Variants in SH3RF1 observed in about 807,000 individuals in gnomAD.
The protein encoded by SH3RF1 is SH3 domain containing ring finger 1.
A neutral mutation model predicts 74.0 loss-of-function variants in SH3RF1; 32 were observed. That is an observed-to-expected ratio of 0.43 (90% CI 0.33 to 0.58). The LOEUF (loss-of-function observed/expected upper bound fraction) is 0.58, where lower values mean the gene tolerates loss of function less well. Ranked by LOEUF, SH3RF1 falls within the 20% of genes least tolerant of loss-of-function variation. SH3RF1 has a pLI of 0.05. For missense variants in SH3RF1, 954 were observed against 1,130.9 expected (o/e 0.84, Z 2.24); for synonymous variants, 396 against 439.6 (o/e 0.90, Z 1.24).
In SH3RF1 at chr4:169,095,122, C is replaced by A. The variant is rs1561021893; in HGVS notation, c.*1397G>T. 6.5e-6 allele frequency: 1 copy of A among 152,688 alleles called. No homozygotes were observed. The highest frequency in any genetic ancestry group is 1.9e-4 in the East Asian group (1 of 5,178). 9.5% of individuals were successfully genotyped at this position (152,688 alleles called of 1,614,324 possible). A position where few individuals can be genotyped will look rare whatever the true frequency, so the allele number is the denominator to read the frequency against. ...AGACAGGCTCTTCTGGATCCTGCCA[C>A]AATTGTAAGGTGTGGGCAAATTCAC... On this transcript the variant is annotated 3_prime_UTR_variant, in exon 12 of 12. Transcript: ENST00000284637.
At chr4:169,208,926 G>GA (rs1183251555) in intron 2 of SH3RF1, among the ~76,000 whole-genome samples, 1 of 150,548 alleles carries the variant, frequency 6.6e-6, no homozygotes, top group Non-Finnish European at 1.5e-5. Flanking sequence ...GCAAGGGACT[G>GA]AAAAAAAGAA....
intron 2 of SH3RF1, among the ~76,000 whole-genome samples, chr4:169,202,679 A>T (rs1355061889): frequency 6.6e-6 from 1 of 152,230 alleles, no homozygotes; most frequent in Non-Finnish European, 1.5e-5. Context: ...TTTCTACAGA[A>T]ATAACACAAT....
At chr4:169,236,167 T>C (rs534443971) in intron 2 of SH3RF1, among the ~76,000 whole-genome samples, 2 of 152,342 alleles carry the variant, frequency 1.3e-5, no homozygotes, top group Non-Finnish European at 2.9e-5. Context: ...TCTCTCCCTC[T>C]AGACACATGG....
At chr4:169,206,387 GC>G (rs777454282) in intron 2 of SH3RF1, among the ~76,000 whole-genome samples, 1 of 151,174 alleles carries the variant, frequency 6.6e-6, no homozygotes, top group South Asian at 2.1e-4. Context: ...CATTCAAGGG[GC>G]TGGGGGAAGG....
chr4:169,120,350 T>C (rs1010788484), intron 8 of SH3RF1, among the ~76,000 whole-genome samples: 11 of 152,256 alleles, frequency 7.2e-5, no homozygotes, highest in African/African-American at 2.7e-4. Flanking sequence ...TTCTTCACTA[T>C]GTGATCTCAG....
chr4:169,108,415 AG>A (rs1166350140), intron 10 of SH3RF1, among the ~76,000 whole-genome samples: 1 of 152,210 alleles, frequency 6.6e-6, no homozygotes, highest in Non-Finnish European at 1.5e-5. Context: ...GGCAGAAAAA[AG>A]GAGACAAAAG....
At chr4:169,135,132 T>G (rs1372232942) in intron 5 of SH3RF1, among the ~76,000 whole-genome samples, 1 of 152,072 alleles carries the variant, frequency 6.6e-6, no homozygotes, top group East Asian at 1.9e-4. Flanking sequence ...GCCAAGAGCT[T>G]GTTACCAGCC....
chr4:169,221,863 A>G (rs560007422), intron 2 of SH3RF1, among the ~76,000 whole-genome samples: 1 of 152,350 alleles, frequency 6.6e-6, no homozygotes, highest in East Asian at 1.9e-4. Flanking sequence ...TACACAGTAC[A>G]AACAGTGAAC....
At chr4:169,098,137 A>G (rs1301746869) in intron 11 of SH3RF1, among the ~76,000 whole-genome samples, 1 of 152,240 alleles carries the variant, frequency 6.6e-6, no homozygotes, top group African/African-American at 2.4e-5. Flanking sequence ...GAAATAATAC[A>G]TGCTTATTAT....
intron 2 of SH3RF1, chr4:169,220,301 C>G (rs1467702412): frequency 6.6e-6 from 1 of 152,198 alleles, no homozygotes; most frequent in Non-Finnish European, 1.5e-5. Context: ...CCACAGCTAG[C>G]TGACACTTCA....
intron 10 of SH3RF1, among the ~76,000 whole-genome samples, chr4:169,115,312 G>A (rs1733312258): frequency 6.6e-6 from 1 of 152,218 alleles, no homozygotes; most frequent in African/African-American, 2.4e-5. Context: ...CGCACAGCAG[G>A]AGGTGAGCTG....
chr4:169,148,598 G>A (rs1330236638), intron 4 of SH3RF1, among the ~76,000 whole-genome samples: 1 of 152,058 alleles, frequency 6.6e-6, no homozygotes, highest in Non-Finnish European at 1.5e-5. Flanking sequence ...CATAAGATAT[G>A]GCTCTAAGAA....
intron 2 of SH3RF1, among the ~76,000 whole-genome samples, chr4:169,264,053 G>A (rs1731317059): frequency 6.6e-6 from 1 of 152,198 alleles, no homozygotes; most frequent in African/African-American, 2.4e-5. Flanking sequence ...GGACCGAGAG[G>A]CCACTCAAGG....
At chr4:169,269,853 C>G (rs75406914) in intron 1 of SH3RF1, 5 of 152,092 alleles carry the variant, frequency 3.3e-5, no homozygotes, top group Non-Finnish European at 7.4e-5. Context: ...TTTAATTTTG[C>G]CCAACCAAAA....
chr4:169,243,362 A>T (rs1463030782), intron 2 of SH3RF1, among the ~76,000 whole-genome samples: 2 of 152,092 alleles, frequency 1.3e-5, no homozygotes, highest in Non-Finnish European at 2.9e-5. Flanking sequence ...AAAATACAAA[A>T]ATTAGCTAGG....
In SH3RF1 at chr4:169,118,234, C is replaced by T. The variant is rs144122527; in HGVS notation, c.1518-452G>A. On this transcript the variant is annotated intron_variant, in intron 8 of 11. Coordinates refer to ENST00000284637, the MANE Select transcript of SH3RF1 (RefSeq NM_020870.4). Reference sequence around the variant, plus strand: ...ATGTACATGCATGCACACACATACACGCACTAGTGGAAAGTCCTCTCCGTC... The same window carrying T: ...ATGTACATGCATGCACACACATACATGCACTAGTGGAAAGTCCTCTCCGTC... 4.0e-3 allele frequency among the ~76,000 whole-genome samples: 614 copies of T among 152,302 alleles called. 5 individuals are homozygous for T. Among genetic ancestry groups the T allele is most frequent in the South Asian group, 0.016 (77 of 4,828 alleles).
At chr4:169,196,228 G>C (rs1734809706) in intron 2 of SH3RF1, among the ~76,000 whole-genome samples, 1 of 152,118 alleles carries the variant, frequency 6.6e-6, no homozygotes, top group African/African-American at 2.4e-5. Flanking sequence ...CCTACTTCAA[G>C]TGTGTGTTTA....
intron 2 of SH3RF1, among the ~76,000 whole-genome samples, chr4:169,159,870 G>A (rs1298789934): frequency 6.6e-6 from 1 of 152,184 alleles, no homozygotes; most frequent in Non-Finnish European, 1.5e-5. Flanking sequence ...TCAGGATTTT[G>A]AAATGTGCAT....
intron 2 of SH3RF1, among the ~76,000 whole-genome samples, chr4:169,239,070 C>G (rs1471685309): frequency 6.6e-6 from 1 of 151,222 alleles, no homozygotes; most frequent in South Asian, 2.1e-4. Context: ...TGGGTCAATT[C>G]TTAAATATAC....
Sources: allele counts gnomAD v4.1 joint callset (sites outside exome capture counted in the v4.1 genomes callset), GRCh38; gene constraint gnomAD v4.1.1; transcripts MANE v1.5; gene names NCBI Gene and HGNC (gene_info 2026-07-23, HGNC 2026-07-21).